ULBP1: variants seen among roughly 807,000 people sequenced by gnomAD.
ULBP1 encodes UL16-binding protein 1.
Under a neutral mutation model 25.3 loss-of-function variants are expected in ULBP1, and 28 were observed. The ratio of observed to expected loss-of-function variants is 1.10; its 90% CI spans 0.82 to 1.51. The LOEUF (loss-of-function observed/expected upper bound fraction) is 1.51, where lower values mean the gene tolerates loss of function less well. Among genes scored for constraint, ULBP1 ranks in the 40% most tolerant of loss-of-function variants. The probability of loss-of-function intolerance (pLI) is 0.00; values close to 1 mark genes in which losing one functional copy is unlikely to be tolerated. For synonymous variants in ULBP1, 129 were observed against 103.0 expected, an observed-to-expected ratio of 1.25 and a Z score of -1.53; for missense variants, 348 against 290.9, an observed-to-expected ratio of 1.20 and a Z score of -1.43.
In ULBP1 at chr6:149,968,816, G is replaced by C. The variant is rs1316604133; in HGVS notation, c.295G>C (p.Asp99His). 1 of 1,614,224 alleles carries C rather than the reference G, an allele frequency of 6.2e-7. No individual in the cohort carries two copies. The highest frequency in any genetic ancestry group is 1.1e-5 in the South Asian group (1 of 91,088). Residue 99 changes from aspartate to histidine, a missense_variant, in exon 2 of 5, where the codon GAT becomes CAT. Asp to His is a moderately conservative substitution (Grantham distance 81). Coordinates refer to ENST00000229708, the MANE Select transcript of ULBP1 (RefSeq NM_025218.4). ...EQTETLRDVV[D>H]FLKGQLLDIQ... Reference sequence around the variant, plus strand: ...AACTGAAACACTAAGAGACGTGGTGGATTTCCTTAAAGGGCAACTGCTTGA... The same window carrying C: ...AACTGAAACACTAAGAGACGTGGTGCATTTCCTTAAAGGGCAACTGCTTGA...
At chr6:149,964,231 C>A in intron 1 of ULBP1, 97 bp downstream of exon 1, 2 of 1,359,286 alleles carry the variant, frequency 1.5e-6, no homozygotes, top group East Asian at 2.4e-5. Flanking sequence ...CTGGAAGGAC[C>A]GGCGCGATCT....
rs1352591076 is a variant in ULBP1, at chr6:149,964,161, G to T, written c.85+27G>T. On this transcript the variant is annotated intron_variant, in intron 1 of 4. Coordinates refer to ENST00000229708, the MANE Select transcript of ULBP1 (RefSeq NM_025218.4). ...TGAGTTCGGGGATGTAGCCTAAGCA[G>T]GGCGGGGGCCAAACCTGGGAGGTTG... 3 of 1,613,584 alleles carry T rather than the reference G, an allele frequency of 1.9e-6. No individual in the cohort carries two copies. The African/African-American group carries it at 4.0e-5, about 22-fold the overall frequency.
At chr6:149,964,526 G>A (rs1779161728) in intron 1 of ULBP1, among the ~76,000 whole-genome samples, 1 of 146,828 alleles carries the variant, frequency 6.8e-6, no homozygotes, top group Non-Finnish European at 1.5e-5. Flanking sequence ...CGAACATCGC[G>A]GCCTCTCCGA....
chr6:149,964,082 G>C lies in ULBP1; in HGVS notation c.33G>C (p.Leu11=). 6.2e-7 allele frequency: 1 copy of C among 1,614,220 alleles called. No individual in the cohort carries two copies. The stretch of plus-strand genomic sequence containing the variant: ...CGGCCGCCAGCCCCGCGTTCCTTCT[G>C]TGCCTCCCGCTTCTGCACCTGCTGT... The part of the protein sequence containing the change: MAAAASPAFL[L]CLPLLHLLSG... Residue 11 remains leucine, a synonymous_variant, in exon 1 of 5, where the codon CTG becomes CTC. Coordinates refer to ENST00000229708, the MANE Select transcript of ULBP1 (RefSeq NM_025218.4).
At chr6:149,965,928 A>T (rs770593209) in intron 1 of ULBP1, among the ~76,000 whole-genome samples, 3 of 151,860 alleles carry the variant, frequency 2.0e-5, no homozygotes, top group African/African-American at 7.3e-5. Context: ...CTGAGGACAC[A>T]CCCCAGCAAA....
At chr6:149,971,144 G>A (rs1370972795) in intron 4 of ULBP1, among the ~76,000 whole-genome samples, 1 of 152,200 alleles carries the variant, frequency 6.6e-6, no homozygotes, top group Non-Finnish European at 1.5e-5. Flanking sequence ...AGCCTCAGTT[G>A]TGAGCCCCCC....
At chr6:149,968,253 A>T (rs1006497727) in intron 1 of ULBP1, among the ~76,000 whole-genome samples, 1 of 152,170 alleles carries the variant, frequency 6.6e-6, no homozygotes, top group Non-Finnish European at 1.5e-5. Context: ...CACCTCCTGC[A>T]GTCCACATGG....
At chr6:149,966,060 G>A (rs569598946) in intron 1 of ULBP1, among the ~76,000 whole-genome samples, 49 of 152,216 alleles carry the variant, frequency 3.2e-4, no homozygotes, top group South Asian at 2.3e-3. Context: ...TCCCAGACCC[G>A]CCTGTTCTTC....
At chr6:149,970,871 G>A (rs1437073038) in intron 4 of ULBP1, among the ~76,000 whole-genome samples, 1 of 152,262 alleles carries the variant, frequency 6.6e-6, no homozygotes, top group Non-Finnish European at 1.5e-5. Context: ...GCTGCTGCTG[G>A]AGTTCCATGC....
chr6:149,966,243 A>G (rs535920646), intron 1 of ULBP1, among the ~76,000 whole-genome samples: 124 of 150,548 alleles, frequency 8.2e-4, no homozygotes, highest in African/African-American at 2.8e-3. Flanking sequence ...TAACCTGCAA[A>G]TAAAAGGGAG....
rs1458295562 is a variant in ULBP1 at position 149,972,838 on chromosome 6, T to C, written c.*1492T>C. 1 of 152,126 alleles carries C rather than the reference T, an allele frequency of 6.6e-6. No homozygotes were observed. Among genetic ancestry groups the C allele is most frequent in the Non-Finnish European group, 1.5e-5 (1 of 68,020 alleles). The allele number at this position is 152,126 out of a possible 1,614,324, so 9.4% of individuals were successfully genotyped here. On this transcript the variant is annotated 3_prime_UTR_variant, in exon 5 of 5. Transcript: ENST00000229708. ...TTACCAGTCACAAAGTCAGAGATGGTGGTGAGGCTGCAGAGCAAAAGAAAC... is the reference window on the plus strand; with the variant it reads ...TTACCAGTCACAAAGTCAGAGATGGCGGTGAGGCTGCAGAGCAAAAGAAAC...
rs2114717880 is a variant in ULBP1 at position 149,971,934 on chromosome 6, C to T, written c.*588C>T. On this transcript the variant is annotated 3_prime_UTR_variant, in exon 5 of 5. Transcript: ENST00000229708. ...TCCTGGGCTCAAGTGATCCTCTAGA[C>T]TCAGCCTCTAGAATAGCTGGGACTA... 6.6e-6 allele frequency: 1 copy of T among 152,282 alleles called. No individual in the cohort carries two copies. Among genetic ancestry groups the T allele is most frequent in the East Asian group, 1.9e-4 (1 of 5,180 alleles). 9.4% of individuals were successfully genotyped at this position (152,282 alleles called of 1,614,324 possible).
intron 3 of ULBP1, 94 bp downstream of exon 3, chr6:149,969,454 A>T: frequency 2.0e-6 from 3 of 1,528,942 alleles, no homozygotes; most frequent in Non-Finnish European, 2.7e-6. Flanking sequence ...TGTTTGAGTG[A>T]GTATGAACAT....
In ULBP1 at chr6:149,971,393, CTGTT is replaced by C. The variant is rs1779315250; in HGVS notation, c.*48_*51del. ...GGTGGAAAGTGATATCAAGAAGCCT[CTGTT>C]AGCCTGGTCTGGGTCCTGCTCTCCC... On this transcript the variant is annotated 3_prime_UTR_variant, in exon 5 of 5. Coordinates refer to ENST00000229708, the MANE Select transcript of ULBP1 (RefSeq NM_025218.4). 2 of 985,300 alleles carry C rather than the reference CTGTT, an allele frequency of 2.0e-6. No homozygotes were observed. The highest frequency in any genetic ancestry group is 2.4e-6 in the Non-Finnish European group (2 of 829,950). 61.0% of individuals were successfully genotyped at this position (985,300 alleles called of 1,614,324 possible).
intron 1 of ULBP1, 122 bp downstream of exon 1, chr6:149,964,256 CGCG>C (rs1779155342): frequency 5.4e-6 from 6 of 1,102,182 alleles, no homozygotes; most frequent in Non-Finnish European, 7.7e-6. Flanking sequence ...GAACGAACAT[CGCG>C]GTCTCCCCGA....
chr6:149,969,065 A>ATC lies in ULBP1; in HGVS notation c.350-16_350-15dup. 2 of 1,612,636 alleles carry ATC rather than the reference A, an allele frequency of 1.2e-6. No individual in the cohort carries two copies. The highest frequency in any genetic ancestry group is 1.7e-6 in the Non-Finnish European group (2 of 1,179,104). On this transcript the variant is annotated intron_variant, in intron 2 of 4. Transcript: ENST00000229708. Reference sequence around the variant, plus strand: ...TCAGGCTTTGTCAAGATCAGAGCTGATCTCTTTGCAATGGGGCAGAGCCCC... The same window carrying ATC: ...TCAGGCTTTGTCAAGATCAGAGCTGATCTCTCTTTGCAATGGGGCAGAGCCCC...
rs745792257 is a variant in ULBP1 at position 149,969,997 on chromosome 6, T to C, written c.626-19T>C. 6.2e-7 allele frequency: 1 copy of C among 1,601,822 alleles called. No homozygotes were observed. Among genetic ancestry groups the C allele is most frequent in the East Asian group, 2.2e-5 (1 of 44,622 alleles). ...TTTGAGCCTGGACAAGGGTTGTCACTCCTGTGTTTCCATTTCAGAACCACC... is the reference window on the plus strand; with the variant it reads ...TTTGAGCCTGGACAAGGGTTGTCACCCCTGTGTTTCCATTTCAGAACCACC... On this transcript the variant is annotated intron_variant, in intron 3 of 4. Transcript: ENST00000229708.
chr6:149,968,992 C>T lies in ULBP1; in HGVS notation c.350-93C>T, dbSNP rs547269108. ...GAGGTTGAGGAGCATGGGCCGGATG[C>T]AGCAGAGAGAGCAAGTCCAGGAGCC... On this transcript the variant is annotated intron_variant, in intron 2 of 4. Coordinates refer to ENST00000229708, the MANE Select transcript of ULBP1 (RefSeq NM_025218.4). The T allele has an allele frequency of 6.4e-6, 10 of 1,559,508 alleles. No homozygotes were observed. In the East Asian group the frequency reaches 1.6e-4, roughly 25 times the overall value.
At position 149,972,011 on chromosome 6, in the gene ULBP1, G is replaced by T. The variant is rs1389796621; in HGVS notation, c.*665G>T. 3 of 152,120 alleles carry T rather than the reference G, an allele frequency of 2.0e-5. No homozygotes were observed. Among genetic ancestry groups the T allele is most frequent in the African/African-American group, 7.2e-5 (3 of 41,416 alleles). The allele number at this position is 152,120 out of a possible 1,614,324, so 9.4% of individuals were successfully genotyped here. A position where few individuals can be genotyped will look rare whatever the true frequency, so the allele number is the denominator to read the frequency against. On this transcript the variant is annotated 3_prime_UTR_variant, in exon 5 of 5. Coordinates refer to ENST00000229708, the MANE Select transcript of ULBP1 (RefSeq NM_025218.4). ...ACTGTTTTATTTTTAGGTAGAGGTAGGGTCTTCCTATGTTGCCCAGGATGG... is the reference window on the plus strand; with the variant it reads ...ACTGTTTTATTTTTAGGTAGAGGTATGGTCTTCCTATGTTGCCCAGGATGG...
Sources: gnomAD v4.1 joint callset for allele counts (sites outside exome capture counted in the v4.1 genomes callset) on GRCh38, gnomAD v4.1.1 for gene constraint, MANE v1.5 for transcripts, NCBI Gene and HGNC (gene_info 2026-07-23, HGNC 2026-07-21) for gene names.